The following ETFA variants were observed in gnomAD, a reference collection of about 807,000 sequenced individuals.
ETFA encodes the protein electron transfer flavoprotein subunit alpha, mitochondrial.
ETFA carries 22 observed loss-of-function variants against 46.2 expected under a neutral mutation model. That is an observed-to-expected ratio of 0.48 (90% CI 0.34 to 0.68). ETFA has a LOEUF of 0.68. ETFA is among the 30% of genes least tolerant of loss of function. The pLI is 0.01. For synonymous variants in ETFA, 131 were observed against 139.9 expected (o/e 0.94, Z 0.45); for missense variants, 345 against 401.1 (o/e 0.86, Z 1.19).
Position 76,311,342 on chromosome 15 carries a change from G to C in ETFA, c.39+8C>G. The C allele has an allele frequency of 6.4e-7, 1 of 1,556,582 alleles. No homozygotes were observed. The highest frequency in any genetic ancestry group is 8.7e-7 in the Non-Finnish European group (1 of 1,150,740). ...GTCCCTGGGTTCGCCTTCCCAGTCC[G>C]GACTCACCGCCCGCCGGAGCTGCCC... On this transcript the variant is annotated splice_region_variant and intron_variant, in intron 1 of 11. Coordinates refer to ENST00000557943, the MANE Select transcript of ETFA (RefSeq NM_000126.4).
chr15:76,274,626 A>C (rs1276441344), intron 8 of ETFA, 132 bp from the exon 9 acceptor site: 1 of 777,196 alleles, frequency 1.3e-6, no homozygotes, highest in African/African-American at 1.7e-5. Flanking sequence ...AGAAAGCTTC[A>C]AGGAATAACT....
chr15:76,231,284 TC>T, intron 10 of ETFA, 48 bp downstream of exon 10: 1 of 1,187,998 alleles, frequency 8.4e-7, no homozygotes, highest in Non-Finnish European at 1.3e-6. Flanking sequence ...GTAAGCCAAA[TC>T]CTAAAATGTG....
chr15:76,216,696 A>G, intron 11 of ETFA, 99 bp from the exon 12 acceptor site: 6 of 830,572 alleles, frequency 7.2e-6, no homozygotes, highest in Non-Finnish European at 1.3e-5. Flanking sequence ...GAAACAACAC[A>G]AATCACTGTT....
intron 9 of ETFA, among the ~76,000 whole-genome samples, chr15:76,269,042 T>G (rs538720221): frequency 6.6e-6 from 1 of 152,240 alleles, no homozygotes; most frequent in Non-Finnish European, 1.5e-5. Flanking sequence ...ATGGGTTGTC[T>G]ACATTCAATC....
intron 4 of ETFA, among the ~76,000 whole-genome samples, chr15:76,290,333 C>CGTTTTT (rs2039748081): frequency 1.0e-5 from 1 of 97,140 alleles, no homozygotes; most frequent in Non-Finnish European, 1.9e-5. Flanking sequence ...AGTCGCTACT[C>CGTTTTT]TTTTTTTTTT....
chr15:76,278,526 A>G (rs532789847), intron 8 of ETFA, among the ~76,000 whole-genome samples: 2 of 152,354 alleles, frequency 1.3e-5, no homozygotes, highest in African/African-American at 4.8e-5. Flanking sequence ...CTTCTCCTGT[A>G]GTTCAGCATT....
At chr15:76,287,753 G>T in intron 5 of ETFA, 93 bp downstream of exon 5, 1 of 971,100 alleles carries the variant, frequency 1.0e-6, no homozygotes, top group Non-Finnish European at 1.6e-6. Context: ...TAAAGCAATT[G>T]TATGGTTTGA....
chr15:76,279,013 GA>G (rs2039622926), intron 8 of ETFA, among the ~76,000 whole-genome samples: 1 of 152,160 alleles, frequency 6.6e-6, no homozygotes, highest in African/African-American at 2.4e-5. Context: ...CATCAGCATA[GA>G]AGCATGTTAT....
chr15:76,225,804 G>C, intron 11 of ETFA, 45 bp downstream of exon 11: 1 of 1,151,586 alleles, frequency 8.7e-7, no homozygotes, highest in Non-Finnish European at 1.3e-6. Flanking sequence ...AGAGTTTCTC[G>C]GATGACAATC....
At chr15:76,276,114 G>C (rs960593688) in intron 8 of ETFA, among the ~76,000 whole-genome samples, 1 of 151,744 alleles carries the variant, frequency 6.6e-6, no homozygotes, top group Non-Finnish European at 1.5e-5. Context: ...CTCTCTAAAA[G>C]AACTTTTAAC....
intron 1 of ETFA, among the ~76,000 whole-genome samples, chr15:76,303,873 G>A (rs1034097013): frequency 3.2e-4 from 48 of 152,202 alleles, no homozygotes; most frequent in Admixed American, 2.6e-3. Flanking sequence ...CAGCCACTGC[G>A]GAAAGCAATG....
chr15:76,274,391 A>T (rs1157402880), intron 9 of ETFA, 21 bp downstream of exon 9: 1 of 1,549,868 alleles, frequency 6.5e-7, no homozygotes, highest in Non-Finnish European at 8.9e-7. Flanking sequence ...TTTACACAGC[A>T]TATTTTATTG....
intron 11 of ETFA, among the ~76,000 whole-genome samples, chr15:76,225,510 C>T (rs980242743): frequency 6.6e-6 from 1 of 151,928 alleles, no homozygotes; most frequent in African/African-American, 2.4e-5. Context: ...AGGATGGTCT[C>T]GATCTCCTGA....
At chr15:76,220,223 T>C (rs2038944231) in intron 11 of ETFA, among the ~76,000 whole-genome samples, 2 of 152,176 alleles carry the variant, frequency 1.3e-5, no homozygotes, top group South Asian at 2.1e-4. Context: ...CGTGCCACCA[T>C]GCCTAGCTAA....
In ETFA at chr15:76,292,440, G is replaced by A. The variant is rs1306072739; in HGVS notation, c.342C>T (p.Ala114=). 3 of 1,611,898 alleles carry A rather than the reference G, an allele frequency of 1.9e-6. No homozygotes were observed. Among genetic ancestry groups the A allele is most frequent in the East Asian group, 4.5e-5 (2 of 44,874 alleles). ...NYTHICAGAS[A]FGKNLLPRVA... The stretch of plus-strand genomic sequence containing the variant: ...TTCTCAACCTTCTCACCTTTCCGAA[G>A]GCAGATGCTCCAGCACAGATGTGTG... The change falls in exon 4 of 12, where the codon GCC becomes GCT. Residue 114 remains alanine (A), a synonymous_variant. Coordinates refer to ENST00000557943, the MANE Select transcript of ETFA (RefSeq NM_000126.4).
intron 9 of ETFA, among the ~76,000 whole-genome samples, chr15:76,234,684 A>G (rs1317010113): frequency 6.6e-6 from 1 of 152,122 alleles, no homozygotes; most frequent in Non-Finnish European, 1.5e-5. Context: ...GAATGGATCA[A>G]CCCCAGGTGG....
intron 7 of ETFA, chr15:76,284,553 C>A: frequency 5.8e-6 from 1 of 172,788 alleles, no homozygotes; most frequent in Non-Finnish European, 1.2e-5. Flanking sequence ...TGCAATGGTG[C>A]GATCTCGGCT....
Position 76,273,391 on chromosome 15 carries a change from T to C in ETFA, c.816+1021A>G, listed in dbSNP as rs185159235. ...CAAGATGATGAAACCCCATCTCTAC[T>C]AAAAATACAAAAAAATTACCTAGGC... is the stretch of plus-strand genomic sequence containing the variant. On this transcript the variant is annotated intron_variant, in intron 9 of 11. Coordinates refer to ENST00000557943, the MANE Select transcript of ETFA (RefSeq NM_000126.4). 7.6e-4 allele frequency among the ~76,000 whole-genome samples: 116 copies of C among 152,026 alleles called. 2 individuals are homozygous for C. In the East Asian group the frequency reaches 0.021, roughly 28 times the overall value.
intron 9 of ETFA, among the ~76,000 whole-genome samples, chr15:76,265,783 G>T (rs1431457134): frequency 6.6e-6 from 1 of 152,128 alleles, no homozygotes. Context: ...GTGGACAAAT[G>T]ATGAAAAATA....
Sources: gnomAD v4.1 joint callset for allele counts (sites outside exome capture counted in the v4.1 genomes callset) on GRCh38, gnomAD v4.1.1 for gene constraint, MANE v1.5 for transcripts, NCBI Gene and HGNC (gene_info 2026-07-23, HGNC 2026-07-21) for gene names.